STXBP5L: variants seen among roughly 807,000 people sequenced by gnomAD.
STXBP5L encodes syntaxin binding protein 5L.
STXBP5L carries 65 observed loss-of-function variants against 144.5 expected under a neutral mutation model. That is an observed-to-expected ratio of 0.45 (90% CI 0.37 to 0.55). STXBP5L has a LOEUF of 0.55. Among genes scored for constraint, STXBP5L ranks in the 20% least tolerant of loss-of-function variants. STXBP5L has a pLI of 0.00. For missense variants in STXBP5L, 1,298 were observed against 1,405.5 expected, an observed-to-expected ratio of 0.92 and a Z score of 1.22; for synonymous variants, 505 against 469.6, an observed-to-expected ratio of 1.08 and a Z score of -0.97.
chr3:121,010,354 A>G (rs951813471), intron 3 of STXBP5L, among the ~76,000 whole-genome samples: 3 of 151,772 alleles, frequency 2.0e-5, no homozygotes, highest in Non-Finnish European at 4.4e-5. Flanking sequence ...GGATCTGAGA[A>G]CTGGCTCATT....
intron 9 of STXBP5L, among the ~76,000 whole-genome samples, chr3:121,164,703 A>T (rs1391393050): frequency 1.3e-5 from 2 of 152,230 alleles, no homozygotes; most frequent in Non-Finnish European, 2.9e-5. Flanking sequence ...AATTTTATGC[A>T]GCCTTAAAAA....
chr3:121,415,878 A>G lies in STXBP5L; in HGVS notation c.3136A>G (p.Thr1046Ala). The G allele has an allele frequency of 6.2e-7, 1 of 1,604,908 alleles. No individual in the cohort carries two copies. ...NLQDMLGDLF[T>A]PIETPEAQNR... ...GCAGGACATGCTAGGAGATTTGTTTACTCCCATAGAGACACCAGAAGCTCA... is the reference window on the plus strand; with the variant it reads ...GCAGGACATGCTAGGAGATTTGTTTGCTCCCATAGAGACACCAGAAGCTCA... The change falls in exon 25 of 27, where the codon ACT becomes GCT. Residue 1046 changes from threonine (T) to alanine (A), a missense_variant. Transcript: ENST00000471454.
chr3:120,990,204 C>T (rs999887051), intron 3 of STXBP5L, among the ~76,000 whole-genome samples: 2 of 152,134 alleles, frequency 1.3e-5, no homozygotes, highest in Non-Finnish European at 2.9e-5. Flanking sequence ...AACTCCCATT[C>T]ACAATTGCTT....
At chr3:121,034,904 A>G (rs1429273733) in intron 3 of STXBP5L, among the ~76,000 whole-genome samples, 1 of 152,222 alleles carries the variant, frequency 6.6e-6, no homozygotes, top group East Asian at 1.9e-4. Context: ...ACTTTCTAAT[A>G]ATAGTCATTC....
intron 12 of STXBP5L, among the ~76,000 whole-genome samples, chr3:121,235,816 A>AACAC (rs778143089): frequency 0.012 from 1,862 of 149,152 alleles, 37 homozygotes; most frequent in African/African-American, 0.039. Context: ...CTCCTGCCAG[A>AACAC]ACACACACAC....
intron 5 of STXBP5L, among the ~76,000 whole-genome samples, chr3:121,049,085 G>GGGGGT (rs879700374): frequency 2.0e-5 from 3 of 152,144 alleles, no homozygotes; most frequent in Admixed American, 6.5e-5. Flanking sequence ...AGCCTAGGTA[G>GGGGGT]GGGGTGGCTA....
rs373282593 is a variant in STXBP5L at position 121,240,460 on chromosome 3, A to G, written c.1353A>G (p.Gly451=). ...YSNKEWPISG[G]AWNLGAQTYP... ...TTTAGGAGTGGCCAATCAGTGGAGG[A>G]GCTTGGAACCTTGGAGCACAAACAT... Residue 451 remains glycine (G), a synonymous_variant, in exon 14 of 27, where the codon GGA becomes GGG. Coordinates refer to ENST00000471454, the MANE Select transcript of STXBP5L (RefSeq NM_001308330.2). The G allele has an allele frequency of 1.4e-5, 23 of 1,613,330 alleles. No homozygotes were observed. Among genetic ancestry groups the G allele is most frequent in the Non-Finnish European group, 1.9e-5 (22 of 1,179,692 alleles).
chr3:120,986,826 CAA>C (rs1298971575), intron 3 of STXBP5L, among the ~76,000 whole-genome samples: 1 of 151,758 alleles, frequency 6.6e-6, no homozygotes, highest in East Asian at 1.9e-4. Context: ...CAGAACAATT[CAA>C]AGACAGATTT....
intron 20 of STXBP5L, among the ~76,000 whole-genome samples, chr3:121,326,540 A>C (rs930395675): frequency 2.6e-5 from 4 of 152,088 alleles, no homozygotes; most frequent in African/African-American, 9.6e-5. Context: ...CTTTTATTTT[A>C]ATTTAATGTT....
intron 7 of STXBP5L, among the ~76,000 whole-genome samples, chr3:121,147,689 A>G (rs2045768473): frequency 6.6e-6 from 1 of 152,168 alleles, no homozygotes; most frequent in Non-Finnish European, 1.5e-5. Flanking sequence ...CTAAAGGTTT[A>G]GGTGAGGATG....
intron 5 of STXBP5L, among the ~76,000 whole-genome samples, chr3:121,077,987 G>C (rs61800064): frequency 6.6e-6 from 1 of 151,634 alleles, no homozygotes; most frequent in Non-Finnish European, 1.5e-5. Context: ...ACAGAGTGTC[G>C]ATTGGTACAT....
intron 19 of STXBP5L, among the ~76,000 whole-genome samples, chr3:121,296,016 T>C (rs2108476409): frequency 6.6e-6 from 1 of 152,324 alleles, no homozygotes; most frequent in Admixed American, 6.5e-5. Flanking sequence ...TTTTAAGTTA[T>C]AAAAGTTGGT....
intron 5 of STXBP5L, among the ~76,000 whole-genome samples, chr3:121,107,698 CT>C (rs2043779250): frequency 6.6e-6 from 1 of 151,600 alleles, no homozygotes; most frequent in South Asian, 2.1e-4. Flanking sequence ...TATATGGGCT[CT>C]TTTTTGGCTC....
intron 5 of STXBP5L, among the ~76,000 whole-genome samples, chr3:121,049,954 T>C (rs891903372): frequency 2.6e-5 from 4 of 152,122 alleles, no homozygotes; most frequent in Non-Finnish European, 4.4e-5. Flanking sequence ...AGTCCAAGGA[T>C]GCAAAGGTCC....
At chr3:121,393,810 C>T (rs933522167) in intron 22 of STXBP5L, among the ~76,000 whole-genome samples, 1 of 152,058 alleles carries the variant, frequency 6.6e-6, no homozygotes, top group Non-Finnish European at 1.5e-5. Context: ...TACGAGTACT[C>T]TGCTGTTTTG....
chr3:121,214,033 C>T (rs953208210), intron 10 of STXBP5L, among the ~76,000 whole-genome samples: 1 of 152,096 alleles, frequency 6.6e-6, no homozygotes, highest in African/African-American at 2.4e-5. Flanking sequence ...GTTTGTATTT[C>T]TGTGGGATCA....
chr3:120,983,595 G>A (rs549328831), intron 3 of STXBP5L, among the ~76,000 whole-genome samples: 17 of 152,262 alleles, frequency 1.1e-4, no homozygotes, highest in African/African-American at 3.6e-4. Context: ...AAATGCCTTT[G>A]TGTAATTTCT....
intron 11 of STXBP5L, among the ~76,000 whole-genome samples, chr3:121,230,758 A>T (rs1416345798): frequency 6.6e-6 from 1 of 151,254 alleles, no homozygotes; most frequent in Non-Finnish European, 1.5e-5. Flanking sequence ...GGCATAACTC[A>T]CTAGTTAAAA....
intron 3 of STXBP5L, among the ~76,000 whole-genome samples, chr3:120,989,315 A>T (rs981991884): frequency 1.2e-4 from 18 of 152,294 alleles, no homozygotes; most frequent in Middle Eastern, 3.4e-3. Flanking sequence ...TGACTTTTAA[A>T]TAATAGCCAT....
Sources: allele counts gnomAD v4.1 joint callset (sites outside exome capture counted in the v4.1 genomes callset), GRCh38; gene constraint gnomAD v4.1.1; transcripts MANE v1.5; gene names NCBI Gene and HGNC (gene_info 2026-07-23, HGNC 2026-07-21).